Variants in UHRF1 observed in about 807,000 individuals in gnomAD.
The protein encoded by UHRF1 is ubiquitin like with PHD and ring finger domains 1, also known as E3 ubiquitin-protein ligase UHRF1.
UHRF1 carries 9 observed loss-of-function variants against 96.5 expected under a neutral mutation model. That is an observed-to-expected ratio of 0.09 (90% CI 0.06 to 0.16). The LOEUF is 0.16. Among genes scored for constraint, UHRF1 ranks in the 10% least tolerant of loss-of-function variants. The probability of loss-of-function intolerance (pLI) is 1.00; values close to 1 mark genes in which losing one functional copy is unlikely to be tolerated. For synonymous variants in UHRF1, 455 were observed against 469.9 expected (o/e 0.97, Z 0.41); for missense variants, 626 against 1,131.1 (o/e 0.55, Z 6.40).
chr19:4,955,108 G>GCCCCCCTGCTCCCCCC, intron 15 of UHRF1, among the ~76,000 whole-genome samples: 1 of 150,862 alleles, frequency 6.6e-6, no homozygotes, highest in Non-Finnish European at 1.5e-5. Context: ...CCCCAGCTCC[G>GCCCCCCTGCTCCCCCC]GCACCCCCTG....
chr19:4,951,225 C>T (rs1340031531), intron 13 of UHRF1, among the ~76,000 whole-genome samples: 1 of 152,166 alleles, frequency 6.6e-6, no homozygotes, highest in Non-Finnish European at 1.5e-5. Context: ...GAGATTGCGC[C>T]ACTGCACTGC....
intron 2 of UHRF1, among the ~76,000 whole-genome samples, chr19:4,916,971 C>T (rs1449182166): frequency 6.6e-6 from 1 of 151,366 alleles, no homozygotes; most frequent in Non-Finnish European, 1.5e-5. Flanking sequence ...TCCCCAAACC[C>T]GGTGGCATTA....
chr19:4,912,364 T>C (rs1257051965), intron 2 of UHRF1, among the ~76,000 whole-genome samples: 1 of 152,182 alleles, frequency 6.6e-6, no homozygotes, highest in Non-Finnish European at 1.5e-5. Context: ...GAAGGCTTCA[T>C]TTCACAAAGA....
At chr19:4,933,637 G>T (rs1315799597) in intron 5 of UHRF1, among the ~76,000 whole-genome samples, 2 of 152,178 alleles carry the variant, frequency 1.3e-5, no homozygotes, top group Non-Finnish European at 2.9e-5. Flanking sequence ...TGGTCACCCA[G>T]TTCCCCTTTT....
chr19:4,958,692 C>A (rs897408992), intron 16 of UHRF1, among the ~76,000 whole-genome samples: 1 of 152,122 alleles, frequency 6.6e-6, no homozygotes, highest in Admixed American at 6.6e-5. Context: ...AAACTTGAGG[C>A]CAGCCGTGGT....
rs547101655 is a variant in UHRF1 at position 4,950,006 on chromosome 19, G to A, written c.1518-605G>A. On this transcript the variant is annotated intron_variant, in intron 11 of 16. Transcript: ENST00000650932. The stretch of plus-strand genomic sequence containing the variant: ...CCACCTCAGCCTCCAGAGTAGCTGG[G>A]ACTATAGGTGCATGTTACCACGCCT... 2.0e-5 allele frequency among the ~76,000 whole-genome samples: 3 copies of A among 151,202 alleles called. No individual in the cohort carries two copies. In the South Asian group the frequency reaches 6.3e-4, roughly 32 times the overall value.
chr19:4,949,501 C>CTT (rs2033660890), intron 11 of UHRF1, among the ~76,000 whole-genome samples: 1 of 151,826 alleles, frequency 6.6e-6, no homozygotes, highest in Admixed American at 6.6e-5. Context: ...CACACACACA[C>CTT]ACACTCTCAC....
At chr19:4,910,357 A>AGGGGGGGCCGGCAAGGG (rs2032213845) in intron 1 of UHRF1, 2 of 45,024 alleles carry the variant, frequency 4.4e-5, no homozygotes, top group Non-Finnish European at 1.1e-4. Flanking sequence ...GCCGGCAAGG[A>AGGGGGGGCCGGCAAGGG]GGGGGGGCGT....
In UHRF1 at chr19:4,939,893, G is replaced by A. The variant is rs567588690; in HGVS notation, c.786-1635G>A. Among the ~76,000 whole-genome samples, 13 of 152,144 alleles carry A rather than the reference G, an allele frequency of 8.5e-5. No individual in the cohort carries two copies. The South Asian group carries it at 2.7e-3, about 32-fold the overall frequency. The stretch of plus-strand genomic sequence containing the variant: ...CAAAAAATTAGCCAGGCGTGGTGGC[G>A]GGTGCCTATAGTGCCAGCTACTCAG... On this transcript the variant is annotated intron_variant, in intron 5 of 16. Coordinates refer to ENST00000650932, the MANE Select transcript of UHRF1 (RefSeq NM_001048201.3).
chr19:4,938,153 C>T (rs147789278), intron 5 of UHRF1, among the ~76,000 whole-genome samples: 52 of 151,700 alleles, frequency 3.4e-4, no homozygotes, highest in African/African-American at 1.1e-3. Flanking sequence ...GATTCCGTCT[C>T]GGTGGGGTGG....
chr19:4,961,537 C>T lies in UHRF1; in HGVS notation c.*734C>T, dbSNP rs966970408. On this transcript the variant is annotated 3_prime_UTR_variant, in exon 17 of 17. Coordinates refer to ENST00000650932, the MANE Select transcript of UHRF1 (RefSeq NM_001048201.3). ...ACTGACGCTGTCCGACGAAGGCGGC[C>T]ACGGACGGACGCCAGCACACGAAGT... is the stretch of plus-strand genomic sequence containing the variant. The T allele has an allele frequency of 2.6e-5, 4 of 152,506 alleles. No homozygotes were observed. Among genetic ancestry groups the T allele is most frequent in the Non-Finnish European group, 4.4e-5 (3 of 68,062 alleles). The allele number at this position is 152,506 out of a possible 1,614,324, so 9.4% of individuals were successfully genotyped here. A position where few individuals can be genotyped will look rare whatever the true frequency, so the allele number is the denominator to read the frequency against.
chr19:4,926,333 T>C (rs2032870470), intron 2 of UHRF1, among the ~76,000 whole-genome samples: 1 of 152,292 alleles, frequency 6.6e-6, no homozygotes, highest in South Asian at 2.1e-4. Context: ...AGCCAGCTGC[T>C]CTGTGCTGGA....
At position 4,950,740 on chromosome 19, in the gene UHRF1, C is replaced by T. The variant is rs566937947; in HGVS notation, c.1647C>T (p.Pro549=). 1.9e-5 allele frequency: 30 copies of T among 1,609,086 alleles called. No individual in the cohort carries two copies. The East Asian group carries it at 2.2e-4, about 12-fold the overall frequency. Residue 549 remains proline, a synonymous_variant, in exon 12 of 17, where the codon CCC becomes CCT. Transcript: ENST00000650932. The part of the protein sequence containing the change: ...VKGGKNSKYA[P]AEGNRYDGIY... Reference sequence around the variant, plus strand: ...GTGGCAAGAATAGCAAGTACGCCCCCGCTGAGGGCAACCGCTACGATGGCA... The same window carrying T: ...GTGGCAAGAATAGCAAGTACGCCCCTGCTGAGGGCAACCGCTACGATGGCA...
chr19:4,945,582 C>T (rs569339914), intron 9 of UHRF1, among the ~76,000 whole-genome samples: 5 of 151,792 alleles, frequency 3.3e-5, no homozygotes, highest in African/African-American at 7.3e-5. Context: ...TTCTAGAGGC[C>T]GAAGAGGAGC....
At position 4,930,346 on chromosome 19, in the gene UHRF1, G is replaced by A. The variant is rs945468937; in HGVS notation, c.409-370G>A. Among the ~76,000 whole-genome samples the A allele has an allele frequency of 6.6e-5, 10 of 152,178 alleles. No homozygotes were observed. Among genetic ancestry groups the A allele is most frequent in the African/African-American group, 2.2e-4 (9 of 41,444 alleles). On this transcript the variant is annotated intron_variant, in intron 3 of 16. Coordinates refer to ENST00000650932, the MANE Select transcript of UHRF1 (RefSeq NM_001048201.3). The surrounding 1 kb of genome is among the most constrained non-coding windows in gnomAD (Gnocchi z 4.4). The stretch of plus-strand genomic sequence containing the variant: ...TAGTCTTGAATTCCGGGGCTCAAGC[G>A]ATCCACCTGCCTCGGCCTCCCAAAG...
rs576766612 is a variant in UHRF1, at chr19:4,961,894, T to C, written c.*1091T>C. The C allele has an allele frequency of 7.3e-6, 1 of 137,184 alleles. No homozygotes were observed. The highest frequency in any genetic ancestry group is 1.7e-5 in the Non-Finnish European group (1 of 60,136). 8.5% of individuals were successfully genotyped at this position (137,184 alleles called of 1,614,324 possible). A position where few individuals can be genotyped will look rare whatever the true frequency, so the allele number is the denominator to read the frequency against. On this transcript the variant is annotated 3_prime_UTR_variant, in exon 17 of 17. Coordinates refer to ENST00000650932, the MANE Select transcript of UHRF1 (RefSeq NM_001048201.3). The stretch of plus-strand genomic sequence containing the variant: ...TTTGGTTGTTTTTGTTTTTGTATTT[T>C]TTTTCTTTTGAAAGGGTTTGTTAAT...
chr19:4,910,925 C>T lies in UHRF1; in HGVS notation c.40C>T (p.His14Tyr). 1 of 1,613,588 alleles carries T rather than the reference C, an allele frequency of 6.2e-7. No individual in the cohort carries two copies. The highest frequency in any genetic ancestry group is 1.1e-5 in the South Asian group (1 of 91,036). Residue 14 changes from histidine to tyrosine, a missense_variant, in exon 2 of 17, where the codon CAC (histidine) becomes TAC (tyrosine). Physicochemically the swap from His to Tyr is moderately conservative, Grantham distance 83. This residue lies in a region of UHRF1 where 32 missense variants were observed against 46.8 expected (regional missense o/e 0.68). Coordinates refer to ENST00000650932, the MANE Select transcript of UHRF1 (RefSeq NM_001048201.3). The part of the protein sequence containing the change: ...QVRTMDGRQT[H>Y]TVDSLSRLTK... ...TCGGACCATGGACGGGAGGCAGACCCACACGGTGGACTCGCTGTCCAGGCT... is the reference window on the plus strand; with the variant it reads ...TCGGACCATGGACGGGAGGCAGACCTACACGGTGGACTCGCTGTCCAGGCT...
intron 5 of UHRF1, among the ~76,000 whole-genome samples, chr19:4,935,434 T>A (rs2033187672): frequency 6.6e-6 from 1 of 152,192 alleles, no homozygotes; most frequent in Non-Finnish European, 1.5e-5. Context: ...CCAGTCTTTA[T>A]TATTTAGTAT....
intron 7 of UHRF1, among the ~76,000 whole-genome samples, chr19:4,943,123 C>G (rs1033522352): frequency 1.3e-5 from 2 of 151,842 alleles, no homozygotes; most frequent in Admixed American, 6.6e-5. Context: ...GCCTGTAATC[C>G]CAGCTACTCG....
Sources: gnomAD v4.1 joint callset for allele counts (sites outside exome capture counted in the v4.1 genomes callset) on GRCh38, gnomAD v4.1.1 for gene constraint, gnomAD v4.1.1 regional missense constraint, Gnocchi (gnomAD v3.1) non-coding constraint, MANE v1.5 for transcripts, NCBI Gene and HGNC (gene_info 2026-07-23, HGNC 2026-07-21) for gene names.